TANC2: variants seen among roughly 807,000 people sequenced by gnomAD.
The protein encoded by TANC2 is tetratricopeptide repeat, ankyrin repeat and coiled-coil containing 2.
TANC2 carries 26 observed loss-of-function variants against 210.5 expected under a neutral mutation model. That is an observed-to-expected ratio of 0.12 (90% CI 0.09 to 0.17). TANC2 has a LOEUF of 0.17. Among genes scored for constraint, TANC2 ranks in the 10% least tolerant of loss-of-function variants. The pLI is 1.00. For synonymous variants in TANC2, 931 were observed against 967.1 expected, an observed-to-expected ratio of 0.96 and a Z score of 0.69; for missense variants, 2,129 against 2,608.9, an observed-to-expected ratio of 0.82 and a Z score of 4.01.
At chr17:63,085,689 A>G (rs1292848633) in intron 3 of TANC2, among the ~76,000 whole-genome samples, 2 of 151,876 alleles carry the variant, frequency 1.3e-5, no homozygotes, top group Non-Finnish European at 2.9e-5. Context: ...GTGTGTCTGT[A>G]TGTGTGTGTG....
intron 2 of TANC2, among the ~76,000 whole-genome samples, chr17:63,018,937 C>T (rs574603468): frequency 6.6e-6 from 1 of 152,138 alleles, no homozygotes; most frequent in Non-Finnish European, 1.5e-5. Context: ...ACTGTTTAAC[C>T]ATTCACCCTT....
chr17:63,402,204 C>G (rs2048364418), intron 19 of TANC2, among the ~76,000 whole-genome samples: 1 of 152,130 alleles, frequency 6.6e-6, no homozygotes. Context: ...TTGGCCCACC[C>G]CACACCTTCC....
intron 12 of TANC2, 38 bp from the exon 13 acceptor site, chr17:63,351,212 T>C: frequency 6.5e-7 from 1 of 1,536,984 alleles, no homozygotes; most frequent in Non-Finnish European, 8.8e-7. Flanking sequence ...ATTTATCCAC[T>C]TGGTAATTAT....
chr17:63,114,456 A>G (rs933549701), intron 4 of TANC2, among the ~76,000 whole-genome samples: 1 of 152,214 alleles, frequency 6.6e-6, no homozygotes, highest in African/African-American at 2.4e-5. Flanking sequence ...TTTTAAGAAT[A>G]TATTTCTTTT....
At chr17:63,181,852 T>G (rs891406284) in intron 5 of TANC2, among the ~76,000 whole-genome samples, 5 of 152,132 alleles carry the variant, frequency 3.3e-5, no homozygotes, top group African/African-American at 1.2e-4. Context: ...TTACAGAAAA[T>G]GAAGCATCAC....
intron 5 of TANC2, among the ~76,000 whole-genome samples, chr17:63,176,088 A>G (rs2040570596): frequency 6.6e-6 from 1 of 152,260 alleles, no homozygotes; most frequent in African/African-American, 2.4e-5. Flanking sequence ...AGGAACTCTC[A>G]TGCACAGCCT....
At chr17:63,099,550 C>G (rs901997613) in intron 4 of TANC2, among the ~76,000 whole-genome samples, 193 bp downstream of exon 4, 1 of 151,820 alleles carries the variant, frequency 6.6e-6, no homozygotes, top group African/African-American at 2.4e-5. Context: ...CTCAGTTTGA[C>G]AGATTGATGT....
intron 14 of TANC2, among the ~76,000 whole-genome samples, chr17:63,360,088 A>G (rs952493196): frequency 2.0e-5 from 3 of 152,260 alleles, no homozygotes; most frequent in African/African-American, 7.2e-5. Context: ...AGTGAAAAAT[A>G]ACTGTGCCAG....
At chr17:63,100,156 A>G (rs191817893) in intron 4 of TANC2, among the ~76,000 whole-genome samples, 2 of 152,276 alleles carry the variant, frequency 1.3e-5, no homozygotes, top group East Asian at 3.9e-4. Flanking sequence ...CACAAAGGAT[A>G]TGTCGACTGT....
chr17:63,081,411 A>C (rs956463030), intron 3 of TANC2, among the ~76,000 whole-genome samples: 23 of 152,208 alleles, frequency 1.5e-4, no homozygotes, highest in Non-Finnish European at 4.4e-5. Context: ...AAATACCTAC[A>C]TTCAGTTTGT....
rs145396844 is a variant in TANC2, at chr17:63,109,715, T to A, written c.322+10358T>A. On this transcript the variant is annotated intron_variant, in intron 4 of 27. Coordinates refer to ENST00000689528, the Ensembl canonical transcript of TANC2. ...TCTTCACAGCAAACTTAGTGGATAG[T>A]CAACAGTCTCTGTGTGAACACTTTC... Among the ~76,000 whole-genome samples the A allele has an allele frequency of 3.5e-3, 539 of 151,900 alleles. 4 individuals carry two copies. The highest frequency in any genetic ancestry group is 6.0e-3 in the Non-Finnish European group (408 of 68,026).
chr17:63,326,581 T>A (rs75726737), intron 11 of TANC2, among the ~76,000 whole-genome samples: 1 of 151,626 alleles, frequency 6.6e-6, no homozygotes, highest in Non-Finnish European at 1.5e-5. Context: ...AAAAAAAAAA[T>A]TAGCTGAGCG....
At chr17:63,336,856 T>C (rs1158607353) in intron 11 of TANC2, among the ~76,000 whole-genome samples, 1 of 152,150 alleles carries the variant, frequency 6.6e-6, no homozygotes, top group African/African-American at 2.4e-5. Context: ...TTATTATGAG[T>C]AGACTAATCC....
intron 14 of TANC2, among the ~76,000 whole-genome samples, chr17:63,377,987 C>T (rs777582686): frequency 4.6e-5 from 7 of 152,022 alleles, no homozygotes; most frequent in East Asian, 1.9e-4. Flanking sequence ...TGGGGTAAAC[C>T]GCCCCCATGA....
At chr17:63,353,466 A>G (rs1383538990) in intron 13 of TANC2, among the ~76,000 whole-genome samples, 1 of 152,116 alleles carries the variant, frequency 6.6e-6, no homozygotes, top group Non-Finnish European at 1.5e-5. Context: ...ATTTGGTCAC[A>G]TTGTCTATGA....
chr17:63,368,809 G>A (rs184955850), intron 14 of TANC2, among the ~76,000 whole-genome samples: 119 of 152,298 alleles, frequency 7.8e-4, no homozygotes, highest in African/African-American at 2.7e-3. Context: ...TTTTAGCAAT[G>A]AAGGAAGGGA....
At chr17:63,317,942 A>G (rs2045365223) in intron 10 of TANC2, among the ~76,000 whole-genome samples, 1 of 151,976 alleles carries the variant, frequency 6.6e-6, no homozygotes, top group South Asian at 2.1e-4. Flanking sequence ...TAATGCAGAA[A>G]TAATACAGTA....
At chr17:63,072,259 A>G (rs1377080978) in intron 2 of TANC2, among the ~76,000 whole-genome samples, 3 of 152,142 alleles carry the variant, frequency 2.0e-5, no homozygotes, top group East Asian at 1.9e-4. Flanking sequence ...CCATATTTAT[A>G]GAGTTGTTTA....
At chr17:63,198,438 G>A (rs918400515) in intron 6 of TANC2, among the ~76,000 whole-genome samples, 5 of 152,054 alleles carry the variant, frequency 3.3e-5, no homozygotes, top group South Asian at 2.1e-4. Context: ...CAAGCAATCC[G>A]CCTGCCTCAA....
Sources: allele counts gnomAD v4.1 joint callset (sites outside exome capture counted in the v4.1 genomes callset), GRCh38; gene constraint gnomAD v4.1.1; transcripts MANE v1.5; gene names NCBI Gene and HGNC (gene_info 2026-07-23, HGNC 2026-07-21).